BCAS1: variants seen among roughly 807,000 people sequenced by gnomAD.
BCAS1 encodes the protein breast carcinoma-amplified sequence 1.
BCAS1 carries 46 observed loss-of-function variants against 65.4 expected under a neutral mutation model. The ratio of observed to expected loss-of-function variants is 0.70; its 90% confidence interval spans 0.55 to 0.90. BCAS1 has a LOEUF of 0.90. BCAS1 is among the 40% of genes least tolerant of loss of function. The pLI, the probability that BCAS1 is intolerant of heterozygous loss-of-function variation, is 0.00. For synonymous variants in BCAS1, 298 were observed against 293.5 expected, an observed-to-expected ratio of 1.02 and a Z score of -0.16; for missense variants, 793 against 771.2, an observed-to-expected ratio of 1.03 and a Z score of -0.33.
In BCAS1 at chr20:54,035,571, T is replaced by C. The variant is rs535390016; in HGVS notation, c.143-6599A>G. On this transcript the variant is annotated intron_variant, in intron 3 of 12. Transcript: ENST00000688948. ...GTCAAAAAATAAGATGCTGGTGAGG[T>C]AGTGGAGAGAAAGGAATGCTTATAC... Among the ~76,000 whole-genome samples, 14 of 150,870 alleles carry C rather than the reference T, an allele frequency of 9.3e-5. 1 individual carries two copies. In the South Asian group the frequency reaches 1.9e-3, roughly 20 times the overall value.
intron 10 of BCAS1, among the ~76,000 whole-genome samples, chr20:53,964,508 G>A (rs993808030): frequency 1.3e-5 from 2 of 152,188 alleles, no homozygotes; most frequent in Non-Finnish European, 2.9e-5. Flanking sequence ...TGGGCAACTG[G>A]TAATAAGAAC....
chr20:54,021,025 C>T (rs1183161427), intron 4 of BCAS1, among the ~76,000 whole-genome samples: 2 of 152,170 alleles, frequency 1.3e-5, no homozygotes, highest in East Asian at 3.9e-4. Context: ...CTACTTGCTC[C>T]ATTCACTTAA....
intron 3 of BCAS1, among the ~76,000 whole-genome samples, chr20:54,029,610 T>A (rs2091757730): frequency 6.6e-6 from 1 of 152,254 alleles, no homozygotes; most frequent in Non-Finnish European, 1.5e-5. Flanking sequence ...TGCCTCAACT[T>A]TCTGGTAAAA....
chr20:53,974,203 T>C (rs1286202692), intron 9 of BCAS1, among the ~76,000 whole-genome samples: 3 of 152,204 alleles, frequency 2.0e-5, no homozygotes, highest in African/African-American at 7.2e-5. Flanking sequence ...GAGTAAAAGC[T>C]GGCCACCCCA....
At chr20:54,011,252 T>A (rs1023096387) in intron 4 of BCAS1, among the ~76,000 whole-genome samples, 1 of 151,914 alleles carries the variant, frequency 6.6e-6, no homozygotes, top group South Asian at 2.1e-4. Context: ...AACTAAAAAA[T>A]TTTGCCCTGT....
chr20:54,028,813 CGA>C lies in BCAS1; in HGVS notation c.300_301del (p.Arg101AlafsTer21), dbSNP rs770667715. 10 of 1,614,016 alleles carry C rather than the reference CGA, an allele frequency of 6.2e-6. No individual in the cohort carries two copies. The Admixed American group carries it at 1.7e-4, about 27-fold the overall frequency. ...GTCTCCGGTACGTCCTGGTACAGGC[CGA>C]GAGAGCATCAAGAAAAAACGAGATT... On this transcript the variant is annotated frameshift_variant, in exon 4 of 13. Transcript: ENST00000688948. LOFTEE classifies it high-confidence loss of function.
In BCAS1 at chr20:53,956,298, G is replaced by A. The variant is rs572130369; in HGVS notation, c.1551+1134C>T. On this transcript the variant is annotated intron_variant, in intron 11 of 12. Coordinates refer to ENST00000688948, the MANE Select transcript of BCAS1 (RefSeq NM_001366298.2). ...AGCTTATTCTCTTTCTCTCTCTGCC[G>A]TGTAAGGACACACAAGCAAGAAGGT... Among the ~76,000 whole-genome samples the A allele has an allele frequency of 1.4e-4, 21 of 152,290 alleles. No individual in the cohort carries two copies. In the East Asian group the frequency reaches 3.7e-3, roughly 27 times the overall value.
At chr20:54,067,038 G>A (rs2092452430) in intron 1 of BCAS1, among the ~76,000 whole-genome samples, 1 of 152,178 alleles carries the variant, frequency 6.6e-6, no homozygotes, top group Admixed American at 6.5e-5. Flanking sequence ...TTCTTGCAAT[G>A]AGAAAATTAT....
At chr20:53,970,058 A>T (rs1037500400) in intron 9 of BCAS1, among the ~76,000 whole-genome samples, 1 of 152,160 alleles carries the variant, frequency 6.6e-6, no homozygotes, top group Non-Finnish European at 1.5e-5. Flanking sequence ...GTTTGCGTTC[A>T]GAAGTATTCT....
chr20:53,984,689 T>A (rs2145770812), intron 8 of BCAS1, among the ~76,000 whole-genome samples: 1 of 152,256 alleles, frequency 6.6e-6, no homozygotes, highest in East Asian at 1.9e-4. Context: ...AAGGAATAGA[T>A]CTAGAATAAC....
chr20:54,057,921 CT>C lies in BCAS1; in HGVS notation c.142+163del, dbSNP rs1601025022. Among the ~76,000 whole-genome samples, 3 of 152,174 alleles carry C rather than the reference CT, an allele frequency of 2.0e-5. No homozygotes were observed. The South Asian group carries it at 6.2e-4, about 31-fold the overall frequency. On this transcript the variant is annotated intron_variant, in intron 3 of 12. Transcript: ENST00000688948. ...ACTGTGAGACAATACATTTCTGTTG[CT>C]TAAGCCACCAGGGCATGGTAGCCCA...
chr20:54,027,492 C>T (rs1334914413), intron 4 of BCAS1, among the ~76,000 whole-genome samples: 3 of 152,276 alleles, frequency 2.0e-5, no homozygotes, highest in East Asian at 3.9e-4. Context: ...TGGAGCTCAT[C>T]CAATTTTTTC....
chr20:54,012,875 C>G (rs1402381976), intron 4 of BCAS1, among the ~76,000 whole-genome samples: 1 of 152,196 alleles, frequency 6.6e-6, no homozygotes, highest in Non-Finnish European at 1.5e-5. Flanking sequence ...CCAGGCCCAG[C>G]TGATTTCAGA....
intron 4 of BCAS1, among the ~76,000 whole-genome samples, chr20:53,997,323 A>T (rs754549163): frequency 1.4e-4 from 21 of 152,242 alleles, no homozygotes; most frequent in Non-Finnish European, 2.9e-4. Context: ...TTTTACAAAC[A>T]TAGAATAGTG....
At chr20:54,055,518 T>C (rs2092284588) in intron 3 of BCAS1, among the ~76,000 whole-genome samples, 1 of 152,188 alleles carries the variant, frequency 6.6e-6, no homozygotes, top group African/African-American at 2.4e-5. Context: ...ACTGCCCCCA[T>C]GATTAAAATT....
intron 4 of BCAS1, among the ~76,000 whole-genome samples, chr20:54,021,934 T>C (rs1408194279): frequency 6.6e-6 from 1 of 152,006 alleles, no homozygotes; most frequent in Non-Finnish European, 1.5e-5. Flanking sequence ...AAACTTTATC[T>C]CTAAAAAATG....
intron 7 of BCAS1, among the ~76,000 whole-genome samples, chr20:53,986,918 A>G (rs1416307365): frequency 6.6e-6 from 1 of 152,188 alleles, no homozygotes; most frequent in African/African-American, 2.4e-5. Context: ...GGACAAATTC[A>G]GAAAGTTTGA....
intron 12 of BCAS1, among the ~76,000 whole-genome samples, chr20:53,945,608 A>G (rs952675946): frequency 6.6e-6 from 1 of 152,058 alleles, no homozygotes; most frequent in Non-Finnish European, 1.5e-5. Context: ...ACTCTCTGAA[A>G]TGATCTTATT....
At chr20:54,005,757 T>C (rs2091172327) in intron 4 of BCAS1, among the ~76,000 whole-genome samples, 2 of 152,050 alleles carry the variant, frequency 1.3e-5, no homozygotes, top group African/African-American at 2.4e-5. Context: ...CCCAAGGCCA[T>C]GGAGCATAGG....
Sources: gnomAD v4.1 joint callset for allele counts (sites outside exome capture counted in the v4.1 genomes callset) on GRCh38, gnomAD v4.1.1 for gene constraint, MANE v1.5 for transcripts, NCBI Gene and HGNC (gene_info 2026-07-23, HGNC 2026-07-21) for gene names.